Variants in LNP1 observed in about 807,000 individuals in gnomAD.
LNP1 encodes the protein leukemia NUP98 fusion partner 1.
LNP1 carries 12 observed loss-of-function variants against 14.5 expected under a neutral mutation model. The ratio of observed to expected loss-of-function variants is 0.83; its 90% CI spans 0.53 to 1.34. LNP1 has a LOEUF of 1.34. Among genes scored for constraint, LNP1 ranks in the 40% most tolerant of loss-of-function variants. LNP1 has a pLI of 0.00. For missense variants in LNP1, 198 were observed against 210.9 expected (o/e 0.94, Z 0.38); for synonymous variants, 75 against 71.4 (o/e 1.05, Z -0.26).
chr3:100,414,912 A>G (rs1316058054), intron 1 of LNP1, among the ~76,000 whole-genome samples: 3 of 152,248 alleles, frequency 2.0e-5, no homozygotes, highest in Admixed American at 1.3e-4. Context: ...AGGATAATAA[A>G]TTAGTGTGGT....
chr3:100,450,600 G>T (rs538281846), intron 2 of LNP1, among the ~76,000 whole-genome samples: 1 of 152,138 alleles, frequency 6.6e-6, no homozygotes, highest in Admixed American at 6.6e-5. Flanking sequence ...TCCTCCCAAA[G>T]TGCTGGGATT....
chr3:100,452,773 G>A (rs1707472417), intron 3 of LNP1, among the ~76,000 whole-genome samples: 1 of 152,152 alleles, frequency 6.6e-6, no homozygotes, highest in Non-Finnish European at 1.5e-5. Context: ...AAAGCAAAAG[G>A]AAGAGACAGA....
chr3:100,409,844 C>A (rs56956506), intron 1 of LNP1, among the ~76,000 whole-genome samples: 27 of 151,524 alleles, frequency 1.8e-4, no homozygotes, highest in Non-Finnish European at 2.7e-4. Context: ...ATCTACCCAC[C>A]GCAGCCTCCC....
rs1385144984 is a variant in LNP1, at chr3:100,455,672, T to C, written c.388-105T>C. ...ATTTCTAGAAACCAAGAGGTGGAAG[T>C]CTGCTAAACCATCAGGGCTTTCTCC... On this transcript the variant is annotated intron_variant, in intron 3 of 3. Coordinates refer to ENST00000383693, the MANE Select transcript of LNP1 (RefSeq NM_001085451.2). 9.4e-6 allele frequency: 10 copies of C among 1,065,014 alleles called. No individual in the cohort carries two copies. The Admixed American group carries it at 1.5e-4, about 16-fold the overall frequency. The allele number at this position is 1,065,014 out of a possible 1,614,324, so 66.0% of individuals were successfully genotyped here. A position where few individuals can be genotyped will look rare whatever the true frequency, so the allele number is the denominator to read the frequency against.
intron 3 of LNP1, among the ~76,000 whole-genome samples, chr3:100,454,308 T>C (rs1707488267): frequency 6.6e-6 from 1 of 152,190 alleles, no homozygotes; most frequent in Non-Finnish European, 1.5e-5. Flanking sequence ...CATCAGTTTT[T>C]AAAGAGTACA....
At position 100,443,123 on chromosome 3, in the gene LNP1, G is replaced by A. The variant is rs144694038; in HGVS notation, c.157-8596G>A. The stretch of plus-strand genomic sequence containing the variant: ...AAGTTGTCTAGCTTCAGTTTGCAGG[G>A]CTTTATGAAAGCACAGCCTGGATTT... On this transcript the variant is annotated intron_variant, in intron 2 of 3. Transcript: ENST00000383693. Among the ~76,000 whole-genome samples the A allele has an allele frequency of 2.9e-3, 447 of 152,236 alleles. 4 individuals carry two copies. The highest frequency in any genetic ancestry group is 8.4e-3 in the African/African-American group (348 of 41,530).
At chr3:100,416,538 G>T (rs1361581380) in intron 1 of LNP1, among the ~76,000 whole-genome samples, 1 of 150,330 alleles carries the variant, frequency 6.7e-6, no homozygotes, top group Non-Finnish European at 1.5e-5. Context: ...GTTGGCCCTT[G>T]CTTCTAGGCC....
intron 3 of LNP1, 65 bp from the exon 4 acceptor site, chr3:100,455,712 A>C: frequency 6.8e-7 from 1 of 1,478,026 alleles, no homozygotes; most frequent in Non-Finnish European, 9.4e-7. Context: ...CTGATTATTA[A>C]GAGAAATGTG....
chr3:100,452,678 C>T (rs1048117686), intron 3 of LNP1, among the ~76,000 whole-genome samples: 6 of 152,136 alleles, frequency 3.9e-5, no homozygotes, highest in Admixed American at 1.3e-4. Context: ...ACTTAAAAAA[C>T]ACAAGAACGA....
At chr3:100,451,547 T>G (rs1707437628) in intron 2 of LNP1, 172 bp from the exon 3 acceptor site, 2 of 584,074 alleles carry the variant, frequency 3.4e-6, no homozygotes, top group East Asian at 5.7e-5. Flanking sequence ...CCAGCTTGAC[T>G]TTTCCCTTTA....
intron 1 of LNP1, among the ~76,000 whole-genome samples, chr3:100,416,597 TTTTGTGTGTGTGTG>T (rs1441330858): frequency 1.7e-4 from 19 of 110,654 alleles, no homozygotes; most frequent in East Asian, 7.4e-4. Flanking sequence ...AGTATATCTT[TTTTGTGTGTGTGTG>T]TGTGTGTGTG....
chr3:100,455,669 A>T, intron 3 of LNP1, 108 bp from the exon 4 acceptor site: 1 of 1,015,426 alleles, frequency 9.8e-7, no homozygotes, highest in Non-Finnish European at 1.5e-6. Flanking sequence ...CAAGAGGTGG[A>T]AGTCTGCTAA....
intron 2 of LNP1, among the ~76,000 whole-genome samples, chr3:100,432,864 G>T (rs1707255252): frequency 6.6e-6 from 1 of 152,124 alleles, no homozygotes; most frequent in African/African-American, 2.4e-5. Flanking sequence ...TCGTGGAAGG[G>T]AAGACTGTGC....
intron 1 of LNP1, among the ~76,000 whole-genome samples, chr3:100,407,293 C>A (rs1411949198): frequency 6.6e-6 from 1 of 152,200 alleles, no homozygotes; most frequent in East Asian, 1.9e-4. Flanking sequence ...TGAACTCCCT[C>A]AGATTTTGTG....
chr3:100,406,911 C>G (rs950288420), intron 1 of LNP1, among the ~76,000 whole-genome samples: 1 of 152,202 alleles, frequency 6.6e-6, no homozygotes, highest in African/African-American at 2.4e-5. Context: ...AGACTGATAA[C>G]AAGTTAACTT....
intron 1 of LNP1, among the ~76,000 whole-genome samples, chr3:100,403,175 T>A (rs2148897311): frequency 6.6e-6 from 1 of 152,358 alleles, no homozygotes; most frequent in Admixed American, 6.5e-5. Context: ...CATCTACCTC[T>A]CAGGCTATAG....
chr3:100,436,616 C>T (rs1233319699), intron 2 of LNP1, among the ~76,000 whole-genome samples: 4 of 152,044 alleles, frequency 2.6e-5, no homozygotes, highest in Non-Finnish European at 5.9e-5. Flanking sequence ...TTCATTTTCT[C>T]TTTACTTCAT....
At chr3:100,430,278 G>A (rs550745219) in intron 2 of LNP1, among the ~76,000 whole-genome samples, 1 of 152,156 alleles carries the variant, frequency 6.6e-6, no homozygotes, top group African/African-American at 2.4e-5. Flanking sequence ...CCACTCTTTG[G>A]TAGACCTTCT....
At chr3:100,427,363 C>T (rs890430923) in intron 1 of LNP1, among the ~76,000 whole-genome samples, 5 of 152,070 alleles carry the variant, frequency 3.3e-5, no homozygotes, top group South Asian at 2.1e-4. Flanking sequence ...TTTAGCTACC[C>T]GTGGCCAAAA....
Sources: gnomAD v4.1 joint callset for allele counts (sites outside exome capture counted in the v4.1 genomes callset) on GRCh38, gnomAD v4.1.1 for gene constraint, MANE v1.5 for transcripts, NCBI Gene and HGNC (gene_info 2026-07-23, HGNC 2026-07-21) for gene names.